Variants in MND1 observed in about 807,000 individuals in gnomAD.
The protein encoded by MND1 is meiotic nuclear divisions 1, also known as meiotic nuclear division protein 1 homolog.
Under a neutral mutation model 35.1 loss-of-function variants are expected in MND1, and 28 were observed. The ratio of observed to expected loss-of-function variants is 0.80; its 90% CI spans 0.59 to 1.09. The LOEUF is 1.09. Among genes scored for constraint, MND1 ranks in the 50% least tolerant of loss-of-function variants. MND1 has a pLI of 0.00. For missense variants in MND1, 213 were observed against 239.6 expected, an observed-to-expected ratio of 0.89 and a Z score of 0.73; for synonymous variants, 69 against 70.5, an observed-to-expected ratio of 0.98 and a Z score of 0.11.
chr4:153,385,279 A>G (rs752433285), intron 4 of MND1, among the ~76,000 whole-genome samples: 1 of 152,216 alleles, frequency 6.6e-6, no homozygotes, highest in East Asian at 1.9e-4. Context: ...CAACCTTCAT[A>G]GTTGGCCAGC....
rs1773031037 is a variant in MND1 at position 153,344,803 on chromosome 4, T to C, written c.3+63T>C. ...CCTAGTGTGTGGGCTTCGCCGCCCC[T>C]CGGCTGCATGTGGATCCCGGCCTGG... On this transcript the variant is annotated intron_variant, in intron 1 of 7. Transcript: ENST00000240488. The C allele has an allele frequency of 2.5e-6, 4 of 1,580,378 alleles. No homozygotes were observed. The Admixed American group carries it at 5.3e-5, about 21-fold the overall frequency.
chr4:153,378,953 T>A (rs1039419962), intron 4 of MND1, among the ~76,000 whole-genome samples: 1 of 152,168 alleles, frequency 6.6e-6, no homozygotes, highest in African/African-American at 2.4e-5. Context: ...ATACTTTAAA[T>A]TTGTATCTCT....
chr4:153,371,490 C>G (rs917433728), intron 4 of MND1, among the ~76,000 whole-genome samples: 4 of 152,072 alleles, frequency 2.6e-5, no homozygotes, highest in African/African-American at 9.7e-5. Context: ...GTACTTGAAA[C>G]CTCGTCTTGC....
At chr4:153,367,253 T>G (rs1441651049) in intron 4 of MND1, among the ~76,000 whole-genome samples, 1 of 152,204 alleles carries the variant, frequency 6.6e-6, no homozygotes, top group African/African-American at 2.4e-5. Context: ...TTAGAACATT[T>G]TCATTACCTC....
intron 4 of MND1, among the ~76,000 whole-genome samples, chr4:153,388,194 A>T (rs1386415489): frequency 6.6e-6 from 1 of 152,210 alleles, no homozygotes; most frequent in African/African-American, 2.4e-5. Context: ...CTCAGATCTA[A>T]AGATGAAATC....
chr4:153,396,432 A>G (rs900698115), intron 5 of MND1, among the ~76,000 whole-genome samples: 1 of 152,244 alleles, frequency 6.6e-6, no homozygotes, highest in Non-Finnish European at 1.5e-5. Context: ...AAAAAATACA[A>G]GGTAGCTGGC....
chr4:153,393,928 T>TC (rs910110028), intron 4 of MND1, among the ~76,000 whole-genome samples: 3 of 131,506 alleles, frequency 2.3e-5, no homozygotes, highest in African/African-American at 8.9e-5. Flanking sequence ...TGTTTTCTTT[T>TC]TTTTTTTTTT....
At chr4:153,398,693 A>C (rs181372447) in intron 6 of MND1, among the ~76,000 whole-genome samples, 1 of 152,338 alleles carries the variant, frequency 6.6e-6, no homozygotes, top group East Asian at 1.9e-4. Context: ...GGAGAATGTC[A>C]GCTCTTTTAT....
Position 153,364,518 on chromosome 4 carries a change from G to GAA in MND1, c.276+5909_276+5910dup, listed in dbSNP as rs70963167. 8.9e-3 allele frequency among the ~76,000 whole-genome samples: 1,256 copies of GAA among 141,362 alleles called. 16 individuals carry two copies. Among genetic ancestry groups the GAA allele is most frequent in the African/African-American group, 0.028 (1,074 of 38,756 alleles). 92.7% of individuals were successfully genotyped at this position (141,362 alleles called of 152,430 possible). A position where few individuals can be genotyped will look rare whatever the true frequency, so the allele number is the denominator to read the frequency against. On this transcript the variant is annotated intron_variant, in intron 4 of 7. Coordinates refer to ENST00000240488, the MANE Select transcript of MND1 (RefSeq NM_032117.4). Reference sequence around the variant, plus strand: ...GGCCACAGAGTCAGACCCTGTTTAAGAAAAAAAAAAAAAATCCATTTTTGG... The same window carrying GAA: ...GGCCACAGAGTCAGACCCTGTTTAAGAAAAAAAAAAAAAAAATCCATTTTTGG...
At chr4:153,378,591 T>C in intron 4 of MND1, among the ~76,000 whole-genome samples, 1 of 152,240 alleles carries the variant, frequency 6.6e-6, no homozygotes, top group East Asian at 1.9e-4. Context: ...GAATACACTT[T>C]GGAGAAATGC....
At chr4:153,360,421 A>G (rs896161991) in intron 4 of MND1, among the ~76,000 whole-genome samples, 10 of 152,072 alleles carry the variant, frequency 6.6e-5, no homozygotes, top group African/African-American at 2.4e-4. Context: ...ATTTTCTCCT[A>G]TGTTACCTTC....
chr4:153,372,059 A>G (rs1773802402), intron 4 of MND1, among the ~76,000 whole-genome samples: 1 of 152,086 alleles, frequency 6.6e-6, no homozygotes, highest in Non-Finnish European at 1.5e-5. Context: ...GAATACACAC[A>G]GCATATATTA....
At chr4:153,394,134 G>C (rs1376378683) in intron 4 of MND1, 128 bp from the exon 5 acceptor site, 1 of 660,750 alleles carries the variant, frequency 1.5e-6, no homozygotes, top group Non-Finnish European at 2.6e-6. Context: ...TTGACCTTGT[G>C]ATCTGCCTGC....
intron 4 of MND1, among the ~76,000 whole-genome samples, chr4:153,363,675 A>G (rs977673909): frequency 2.0e-5 from 3 of 152,138 alleles, no homozygotes; most frequent in Non-Finnish European, 4.4e-5. Context: ...TGGTGAAGAG[A>G]TAGGTAGAGG....
intron 4 of MND1, among the ~76,000 whole-genome samples, chr4:153,391,289 G>C (rs987650468): frequency 1.5e-4 from 23 of 152,038 alleles, no homozygotes; most frequent in Admixed American, 1.4e-3. Flanking sequence ...TCAGCCTCTC[G>C]AGTAGCTGGG....
At chr4:153,372,503 G>T (rs745753043) in intron 4 of MND1, among the ~76,000 whole-genome samples, 1 of 152,028 alleles carries the variant, frequency 6.6e-6, no homozygotes, top group Admixed American at 6.6e-5. Flanking sequence ...ATAACCTTTG[G>T]CATATGTATG....
intron 7 of MND1, among the ~76,000 whole-genome samples, chr4:153,413,891 A>T (rs1006035204): frequency 6.6e-6 from 1 of 152,192 alleles, no homozygotes; most frequent in African/African-American, 2.4e-5. Context: ...TTTCCTTGGG[A>T]TAAATCCCTT....
At chr4:153,346,227 GCAGTGCTGAACTC>G in intron 1 of MND1, among the ~76,000 whole-genome samples, 1 of 152,308 alleles carries the variant, frequency 6.6e-6, no homozygotes, top group South Asian at 2.1e-4. Flanking sequence ...TTGGAGAAGT[GCAGTGCTGAACTC>G]TGAGAGCAGC....
intron 4 of MND1, among the ~76,000 whole-genome samples, chr4:153,387,365 C>T (rs546153769): frequency 6.6e-6 from 1 of 152,074 alleles, no homozygotes; most frequent in East Asian, 1.9e-4. Flanking sequence ...ATATTGCTCC[C>T]ATCTTTATAT....
Sources: allele counts gnomAD v4.1 joint callset (sites outside exome capture counted in the v4.1 genomes callset), GRCh38; gene constraint gnomAD v4.1.1; transcripts MANE v1.5; gene names NCBI Gene and HGNC (gene_info 2026-07-23, HGNC 2026-07-21).